The following RSU1 variants were observed in gnomAD, a reference collection of about 807,000 sequenced individuals.
RSU1 encodes rsu-1.
Under a neutral mutation model 31.1 loss-of-function variants are expected in RSU1, and 26 were observed. The observed-to-expected ratio is 0.84, with a 90% CI of 0.61 to 1.16. The LOEUF (loss-of-function observed/expected upper bound fraction) is 1.16. Ranked by LOEUF, RSU1 falls within the 50% of genes most tolerant of loss-of-function variation. The pLI is 0.00. For synonymous variants in RSU1, 164 were observed against 136.3 expected, an observed-to-expected ratio of 1.20 and a Z score of -1.41; for missense variants, 320 against 339.1, an observed-to-expected ratio of 0.94 and a Z score of 0.44.
intron 7 of RSU1, among the ~76,000 whole-genome samples, chr10:16,722,242 T>C (rs971512058): frequency 9.9e-5 from 15 of 152,210 alleles, no homozygotes; most frequent in Middle Eastern, 3.2e-3. Flanking sequence ...GTACTGTTTT[T>C]CTAGGGTTCA....
At chr10:16,807,654 C>A (rs1266746109) in intron 2 of RSU1, among the ~76,000 whole-genome samples, 1 of 152,084 alleles carries the variant, frequency 6.6e-6, no homozygotes, top group Admixed American at 6.5e-5. Flanking sequence ...GCTCTGCAAC[C>A]ATCCTGTAAA....
At chr10:16,734,643 T>C (rs1564337672) in intron 7 of RSU1, among the ~76,000 whole-genome samples, 2 of 152,358 alleles carry the variant, frequency 1.3e-5, no homozygotes, top group South Asian at 2.1e-4. Flanking sequence ...ACTTGACTTA[T>C]TGTTGCAATA....
At chr10:16,778,591 TAA>T (rs1249746533) in intron 3 of RSU1, among the ~76,000 whole-genome samples, 2 of 152,054 alleles carry the variant, frequency 1.3e-5, no homozygotes, top group East Asian at 3.9e-4. Context: ...ATGCTAGAGT[TAA>T]AGAGTCTACA....
At chr10:16,761,096 G>A (rs1837203998) in intron 4 of RSU1, among the ~76,000 whole-genome samples, 1 of 152,088 alleles carries the variant, frequency 6.6e-6, no homozygotes, top group Admixed American at 6.6e-5. Context: ...ACAGGCACGT[G>A]CCACCACACT....
chr10:16,697,825 C>G (rs1222486089), intron 7 of RSU1, among the ~76,000 whole-genome samples: 1 of 151,960 alleles, frequency 6.6e-6, no homozygotes, highest in African/African-American at 2.4e-5. Context: ...CCCTAAATAT[C>G]TTTCCTTCTT....
At chr10:16,593,557 T>C (rs1482382022) in intron 8 of RSU1, 61 bp from the exon 9 acceptor site, 1 of 1,274,412 alleles carries the variant, frequency 7.8e-7, no homozygotes, top group South Asian at 1.2e-5. Flanking sequence ...TAGCTTTCAC[T>C]GGAAGAGCTT....
chr10:16,639,651 G>C (rs1017848294), intron 8 of RSU1, among the ~76,000 whole-genome samples: 2 of 152,120 alleles, frequency 1.3e-5, no homozygotes, highest in Non-Finnish European at 2.9e-5. Flanking sequence ...GCTGAGACTC[G>C]GGCATGAAAT....
intron 2 of RSU1, 46 bp from the exon 3 acceptor site, chr10:16,782,130 C>T (rs764827561): frequency 1.3e-6 from 2 of 1,491,806 alleles, no homozygotes; most frequent in Admixed American, 3.4e-5. Context: ...AAATGTATCA[C>T]TGTATCCGGA....
chr10:16,741,325 G>C (rs930006895), intron 7 of RSU1, among the ~76,000 whole-genome samples: 2 of 152,120 alleles, frequency 1.3e-5, no homozygotes, highest in African/African-American at 4.8e-5. Context: ...ATGGATCAAA[G>C]ATATAAATGT....
intron 2 of RSU1, among the ~76,000 whole-genome samples, chr10:16,792,222 C>A (rs1837935319): frequency 6.6e-6 from 1 of 152,188 alleles, no homozygotes. Context: ...CCTTTGCTAT[C>A]TGCAAAGGAT....
At chr10:16,700,729 T>C (rs1391776390) in intron 7 of RSU1, among the ~76,000 whole-genome samples, 2 of 152,244 alleles carry the variant, frequency 1.3e-5, no homozygotes, top group Non-Finnish European at 2.9e-5. Flanking sequence ...ATGCTCATAT[T>C]GTAATAGACA....
intron 2 of RSU1, among the ~76,000 whole-genome samples, chr10:16,811,602 G>C (rs1838410538): frequency 6.6e-6 from 1 of 152,166 alleles, no homozygotes; most frequent in Non-Finnish European, 1.5e-5. Context: ...AAAGTCAAAT[G>C]CCATTACCGA....
intron 8 of RSU1, among the ~76,000 whole-genome samples, chr10:16,634,836 C>T (rs192931171): frequency 1.4e-4 from 21 of 152,284 alleles, no homozygotes; most frequent in Admixed American, 4.6e-4. Context: ...TAAGTAGAAA[C>T]GACAGAAGCT....
intron 7 of RSU1, among the ~76,000 whole-genome samples, chr10:16,709,119 G>A (rs2356375): frequency 0.75 from 112,840 of 150,982 alleles, 42,831 homozygotes; most frequent in African/African-American, 0.88. Flanking sequence ...AGCATTAGAT[G>A]TATCTCCTAA....
intron 2 of RSU1, among the ~76,000 whole-genome samples, chr10:16,782,380 GCC>G (rs931082991): frequency 9.2e-5 from 14 of 152,160 alleles, no homozygotes; most frequent in African/African-American, 2.6e-4. Flanking sequence ...CGACCTGCTT[GCC>G]CAGCCATTAG....
chr10:16,652,482 G>A (rs1008120707), intron 8 of RSU1, among the ~76,000 whole-genome samples: 3 of 150,476 alleles, frequency 2.0e-5, no homozygotes, highest in South Asian at 2.1e-4. Context: ...CAGGATGATC[G>A]GAATGTTCCA....
chr10:16,739,566 G>A (rs1836712176), intron 7 of RSU1, among the ~76,000 whole-genome samples: 1 of 149,520 alleles, frequency 6.7e-6, no homozygotes, highest in Non-Finnish European at 1.5e-5. Context: ...CGGCTCCCAG[G>A]TTCACGCCAT....
intron 7 of RSU1, among the ~76,000 whole-genome samples, chr10:16,702,974 G>C (rs993697275): frequency 2.0e-5 from 3 of 152,182 alleles, no homozygotes; most frequent in African/African-American, 7.2e-5. Flanking sequence ...AATCCTTCAT[G>C]AATGATTTAG....
rs181776550 is a variant in RSU1, at chr10:16,755,074, G to A, written c.282-85C>T. On this transcript the variant is annotated intron_variant, in intron 4 of 8. Coordinates refer to ENST00000345264, the MANE Select transcript of RSU1 (RefSeq NM_012425.4). ...CAAGGGCACCTCTGTTTCAGACGCT[G>A]AAAGTGTAAGACAGTGCCATGATCC... 1.5e-3 allele frequency: 1,102 copies of A among 752,396 alleles called. 3 individuals are homozygous for A. The highest frequency in any genetic ancestry group is 1.4e-3 in the Non-Finnish European group (588 of 432,782). 46.6% of individuals were successfully genotyped at this position (752,396 alleles called of 1,614,324 possible). A position where few individuals can be genotyped will look rare whatever the true frequency, so the allele number is the denominator to read the frequency against.
Sources: gnomAD v4.1 joint callset for allele counts (sites outside exome capture counted in the v4.1 genomes callset) on GRCh38, gnomAD v4.1.1 for gene constraint, MANE v1.5 for transcripts, NCBI Gene and HGNC (gene_info 2026-07-23, HGNC 2026-07-21) for gene names.